The following GREM1 variants were observed in gnomAD, a reference collection of about 807,000 sequenced individuals.
GREM1 encodes gremlin 1, DAN family BMP antagonist.
Under a neutral mutation model 13.1 loss-of-function variants are expected in GREM1, and 6 were observed. The observed-to-expected ratio is 0.46, with a 90% CI of 0.25 to 0.91. GREM1 has a LOEUF of 0.91. GREM1 is among the 40% of genes least tolerant of loss of function. GREM1 has a pLI of 0.18. For missense variants in GREM1, 185 were observed against 233.9 expected, an observed-to-expected ratio of 0.79 and a Z score of 1.36; for synonymous variants, 98 against 93.7, an observed-to-expected ratio of 1.05 and a Z score of -0.27.
chr15:32,731,454 C>G lies in GREM1; in HGVS notation c.*209C>G, dbSNP rs768545735. On this transcript the variant is annotated 3_prime_UTR_variant, in exon 2 of 2. Transcript: ENST00000651154. ...TTAGACACCAGAGAAAACACAGTCT[C>G]TGCTAGAGAGCACTCCCTATTTTGT... 6.6e-6 allele frequency: 4 copies of G among 607,518 alleles called. No homozygotes were observed. Among genetic ancestry groups the G allele is most frequent in the African/African-American group, 1.9e-5 (1 of 53,832 alleles). The allele number at this position is 607,518 out of a possible 1,614,324, so 37.6% of individuals were successfully genotyped here. A position where few individuals can be genotyped will look rare whatever the true frequency, so the allele number is the denominator to read the frequency against.
intron 1 of GREM1, among the ~76,000 whole-genome samples, chr15:32,722,070 G>A (rs896255516): frequency 6.6e-6 from 1 of 152,176 alleles, no homozygotes; most frequent in Non-Finnish European, 1.5e-5. Context: ...ACACAAAGGG[G>A]ATGAGACTTT....
Position 32,718,198 on chromosome 15 carries a change from C to T in GREM1, c.-2+37C>T, listed in dbSNP as rs1205340940. The T allele has an allele frequency of 6.0e-6, 8 of 1,334,452 alleles. 1 individual carries two copies. In the South Asian group the frequency reaches 7.5e-5, roughly 12 times the overall value. The allele number at this position is 1,334,452 out of a possible 1,614,324, so 82.7% of individuals were successfully genotyped here. On this transcript the variant is annotated intron_variant, in intron 1 of 1. Coordinates refer to ENST00000651154, the MANE Select transcript of GREM1 (RefSeq NM_013372.7). ...CGCACCCGGCAGGGATGTGAGTGGG[C>T]GGAGGGAAGAGGGCCGCAAACCAAC...
In GREM1 at chr15:32,741,973, TTAAC is replaced by T. The variant is rs1356147707; in HGVS notation, c.*10732_*10735del. 1.3e-5 allele frequency: 2 copies of T among 152,192 alleles called. No individual in the cohort carries two copies. The highest frequency in any genetic ancestry group is 4.8e-5 in the African/African-American group (2 of 41,466). 9.4% of individuals were successfully genotyped at this position (152,192 alleles called of 1,614,324 possible). On this transcript the variant is annotated 3_prime_UTR_variant, in exon 2 of 2. Transcript: ENST00000651154. The stretch of plus-strand genomic sequence containing the variant: ...TTTATTCTGTTAATGGATTATCACA[TTAAC>T]TAATTTTCATATCTTGAAGCATACT...
chr15:32,718,107 G>T lies in GREM1; in HGVS notation c.-56G>T, dbSNP rs1217598617. 2 of 1,258,632 alleles carry T rather than the reference G, an allele frequency of 1.6e-6. No individual in the cohort carries two copies. The highest frequency in any genetic ancestry group is 2.0e-6 in the Non-Finnish European group (2 of 982,776). 78.0% of individuals were successfully genotyped at this position (1,258,632 alleles called of 1,614,324 possible). A position where few individuals can be genotyped will look rare whatever the true frequency, so the allele number is the denominator to read the frequency against. ...AGCCCCGGCGGCTCTGGCCGCGGCC[G>T]CACTCAGCGCCACGCGTCGAAAGCG... On this transcript the variant is annotated 5_prime_UTR_variant, in exon 1 of 2. Coordinates refer to ENST00000651154, the MANE Select transcript of GREM1 (RefSeq NM_013372.7).
rs1567115568 is a variant in GREM1, at chr15:32,734,156, A to G, written c.*2911A>G. 8.3e-6 allele frequency: 2 copies of G among 241,426 alleles called. No individual in the cohort carries two copies. The highest frequency in any genetic ancestry group is 8.8e-6 in the Non-Finnish European group (1 of 114,116). The allele number at this position is 241,426 out of a possible 1,614,324, so 15.0% of individuals were successfully genotyped here. A position where few individuals can be genotyped will look rare whatever the true frequency, so the allele number is the denominator to read the frequency against. The stretch of plus-strand genomic sequence containing the variant: ...AAACAAAATCTTGACCCAGCTGAAC[A>G]TGTCTTCCTGAGTCAGTGCCTGAAT... On this transcript the variant is annotated 3_prime_UTR_variant, in exon 2 of 2. Coordinates refer to ENST00000651154, the MANE Select transcript of GREM1 (RefSeq NM_013372.7).
At chr15:32,722,018 G>C (rs1224854074) in intron 1 of GREM1, among the ~76,000 whole-genome samples, 1 of 152,152 alleles carries the variant, frequency 6.6e-6, no homozygotes, top group African/African-American at 2.4e-5. Context: ...TGATTTAGCC[G>C]ACCTGGTCTT....
In GREM1 at chr15:32,733,033, C is replaced by A. The variant is rs867017424; in HGVS notation, c.*1788C>A. The A allele has an allele frequency of 7.0e-5, 16 of 228,602 alleles. No homozygotes were observed. The highest frequency in any genetic ancestry group is 2.9e-3 in the Middle Eastern group (2 of 700). 14.2% of individuals were successfully genotyped at this position (228,602 alleles called of 1,614,324 possible). The stretch of plus-strand genomic sequence containing the variant: ...ATTTCGTTTTTGTTTTGATCCAGTG[C>A]TCTCCCATCTAACAACTAAACAGGA... On this transcript the variant is annotated 3_prime_UTR_variant, in exon 2 of 2. Transcript: ENST00000651154.
At position 32,733,144 on chromosome 15, in the gene GREM1, C is replaced by T. The variant is rs914655547; in HGVS notation, c.*1899C>T. ...TTAAACTCACTACTGATGATTCTCA[C>T]GCTAGGCGAATTTGTCCAAACACAT... is the stretch of plus-strand genomic sequence containing the variant. On this transcript the variant is annotated 3_prime_UTR_variant, in exon 2 of 2. Transcript: ENST00000651154. 2.2e-5 allele frequency: 5 copies of T among 230,514 alleles called. No homozygotes were observed. The highest frequency in any genetic ancestry group is 1.2e-4 in the Admixed American group (2 of 17,154). The allele number at this position is 230,514 out of a possible 1,614,324, so 14.3% of individuals were successfully genotyped here.
chr15:32,720,310 T>G (rs1345012785), intron 1 of GREM1, among the ~76,000 whole-genome samples: 1 of 152,224 alleles, frequency 6.6e-6, no homozygotes, highest in African/African-American at 2.4e-5. Flanking sequence ...CATCTCTGAA[T>G]GAGGGCTGCC....
intron 1 of GREM1, among the ~76,000 whole-genome samples, chr15:32,725,923 G>C: frequency 6.6e-6 from 1 of 152,134 alleles, no homozygotes; most frequent in East Asian, 1.9e-4. Context: ...TTTTTGTCAG[G>C]TTTGTCAAAG....
In GREM1 at chr15:32,731,367, G is replaced by C. The variant is rs1238827247; in HGVS notation, c.*122G>C. On this transcript the variant is annotated 3_prime_UTR_variant, in exon 2 of 2. Transcript: ENST00000651154. ...CCAGAAGAACCCCCAGCTGCCTCCT[G>C]GCAGGAGCCTGCTTGTGCGTAGTTC... The C allele has an allele frequency of 2.7e-6, 2 of 729,026 alleles. No individual in the cohort carries two copies. Among genetic ancestry groups the C allele is most frequent in the Non-Finnish European group, 4.6e-6 (2 of 436,540 alleles). The allele number at this position is 729,026 out of a possible 1,614,324, so 45.2% of individuals were successfully genotyped here.
At chr15:32,723,565 G>GA (rs1327464575) in intron 1 of GREM1, among the ~76,000 whole-genome samples, 4 of 149,166 alleles carry the variant, frequency 2.7e-5, no homozygotes, top group East Asian at 2.0e-4. Flanking sequence ...TTTAAAAAAT[G>GA]AAAAAACATT....
Position 32,734,567 on chromosome 15 carries a change from C to T in GREM1, c.*3322C>T, listed in dbSNP as rs2055672641. 1 of 247,062 alleles carries T rather than the reference C, an allele frequency of 4.0e-6. No individual in the cohort carries two copies. The highest frequency in any genetic ancestry group is 2.2e-5 in the African/African-American group (1 of 45,298). 15.3% of individuals were successfully genotyped at this position (247,062 alleles called of 1,614,324 possible). ...TAGTCTCATAAAACTAATTTGGCTT[C>T]AAGTTTCATGAATCTGTAACTAGAA... On this transcript the variant is annotated 3_prime_UTR_variant, in exon 2 of 2. Coordinates refer to ENST00000651154, the MANE Select transcript of GREM1 (RefSeq NM_013372.7).
At position 32,739,937 on chromosome 15, in the gene GREM1, G is replaced by A. The variant is rs117661029; in HGVS notation, c.*8692G>A. On this transcript the variant is annotated 3_prime_UTR_variant, in exon 2 of 2. Coordinates refer to ENST00000651154, the MANE Select transcript of GREM1 (RefSeq NM_013372.7). ...CAGTCTTGGAGCTCTGACAGAATTG[G>A]TACTATCTAGCTACCTGGGGAAGGA... 0.015 allele frequency: 2,320 copies of A among 152,314 alleles called. 24 individuals are homozygous for A. Among genetic ancestry groups the A allele is most frequent in the Non-Finnish European group, 0.023 (1,563 of 68,052 alleles). The allele number at this position is 152,314 out of a possible 1,614,324, so 9.4% of individuals were successfully genotyped here.
rs1306242693 is a variant in GREM1 at position 32,738,174 on chromosome 15, G to C, written c.*6929G>C. 1 of 99,366 alleles carries C rather than the reference G, an allele frequency of 1.0e-5. No homozygotes were observed. Among genetic ancestry groups the C allele is most frequent in the African/African-American group, 3.6e-5 (1 of 27,460 alleles). The allele number at this position is 99,366 out of a possible 1,614,324, so 6.2% of individuals were successfully genotyped here. A position where few individuals can be genotyped will look rare whatever the true frequency, so the allele number is the denominator to read the frequency against. On this transcript the variant is annotated 3_prime_UTR_variant, in exon 2 of 2. Transcript: ENST00000651154. ...ATCCAGATTGGAAAAGAAATAAAAT[G>C]ATTTCAATTTTAAGATGACATAATA...
rs1462381503 is a variant in GREM1 at position 32,733,710 on chromosome 15, AATG to A, written c.*2468_*2470del. On this transcript the variant is annotated 3_prime_UTR_variant, in exon 2 of 2. Transcript: ENST00000651154. ...ATTTTATTCGAGTCACTGATGATGTAATGATATATTTTTTCATTATTATAGTAG... is the reference window on the plus strand; with the variant it reads ...ATTTTATTCGAGTCACTGATGATGTAATATATTTTTTCATTATTATAGTAG... 2 of 228,642 alleles carry A rather than the reference AATG, an allele frequency of 8.7e-6. No individual in the cohort carries two copies. Among genetic ancestry groups the A allele is most frequent in the East Asian group, 1.4e-4 (2 of 14,096 alleles). 14.2% of individuals were successfully genotyped at this position (228,642 alleles called of 1,614,324 possible).
chr15:32,731,304 T>A lies in GREM1; in HGVS notation c.*59T>A. The A allele has an allele frequency of 7.4e-7, 1 of 1,352,546 alleles. No homozygotes were observed. Among genetic ancestry groups the A allele is most frequent in the Non-Finnish European group, 1.0e-6 (1 of 966,204 alleles). The allele number at this position is 1,352,546 out of a possible 1,614,324, so 83.8% of individuals were successfully genotyped here. A position where few individuals can be genotyped will look rare whatever the true frequency, so the allele number is the denominator to read the frequency against. ...ATGCAGCCCCAGGAAGTCCCAGACC[T>A]AAAACAACCAGATTCTTACTTGGCT... On this transcript the variant is annotated 3_prime_UTR_variant, in exon 2 of 2. Transcript: ENST00000651154.
At position 32,718,064 on chromosome 15, in the gene GREM1, C is replaced by G. The variant is rs2055324312; in HGVS notation, c.-99C>G. 1 of 1,201,288 alleles carries G rather than the reference C, an allele frequency of 8.3e-7. No homozygotes were observed. The highest frequency in any genetic ancestry group is 1.6e-5 in the African/African-American group (1 of 61,408). 74.4% of individuals were successfully genotyped at this position (1,201,288 alleles called of 1,614,324 possible). On this transcript the variant is annotated 5_prime_UTR_variant, in exon 1 of 2. Transcript: ENST00000651154. ...GCACGGCCGCCGCGTCACTCTCGGTCCCGCTGACCCCGCGCCGAGCCCCGG... is the reference window on the plus strand; with the variant it reads ...GCACGGCCGCCGCGTCACTCTCGGTGCCGCTGACCCCGCGCCGAGCCCCGG...
chr15:32,723,226 C>G lies in GREM1; in HGVS notation c.-2+5065C>G, dbSNP rs151336296. Among the ~76,000 whole-genome samples the G allele has an allele frequency of 1.3e-5, 2 of 152,162 alleles. 1 individual carries two copies. Among genetic ancestry groups the G allele is most frequent in the South Asian group, 4.1e-4 (2 of 4,824 alleles). On this transcript the variant is annotated intron_variant, in intron 1 of 1. Transcript: ENST00000651154. ...ACATCTCTGATATTTACAAAGTGCACATTATTTGGTGATACTACAACTGGG... is the reference window on the plus strand; with the variant it reads ...ACATCTCTGATATTTACAAAGTGCAGATTATTTGGTGATACTACAACTGGG...
Sources: gnomAD v4.1 joint callset for allele counts (sites outside exome capture counted in the v4.1 genomes callset) on GRCh38, gnomAD v4.1.1 for gene constraint, MANE v1.5 for transcripts, NCBI Gene and HGNC (gene_info 2026-07-23, HGNC 2026-07-21) for gene names.